The following GREB1 variants were observed in gnomAD, a reference collection of about 807,000 sequenced individuals.
GREB1 encodes protein GREB1.
GREB1 carries 106 observed loss-of-function variants against 200.7 expected under a neutral mutation model. That is an observed-to-expected ratio of 0.53 (90% CI 0.45 to 0.62). The LOEUF (loss-of-function observed/expected upper bound fraction) is 0.62, where lower values mean the gene tolerates loss of function less well. Ranked by LOEUF, GREB1 falls within the 20% of genes least tolerant of loss-of-function variation. GREB1 has a pLI of 0.00. For synonymous variants in GREB1, 1,132 were observed against 1,092.4 expected, an observed-to-expected ratio of 1.04 and a Z score of -0.72; for missense variants, 2,243 against 2,556.8, an observed-to-expected ratio of 0.88 and a Z score of 2.65.
In GREB1 at chr2:11,640,113, A is replaced by C. The variant is rs1003322091; in HGVS notation, c.5687-178A>C. ...CGCACACCTGCCACATCCCAGCCAC[A>C]CTCCTGTCTCGCTAAGATTGTACAT... On this transcript the variant is annotated intron_variant, in intron 32 of 32. Transcript: ENST00000381486. The surrounding 1 kb of genome is among the most constrained non-coding windows in gnomAD (Gnocchi z 4.6). Among the ~76,000 whole-genome samples, 1 of 151,762 alleles carries C rather than the reference A, an allele frequency of 6.6e-6. No homozygotes were observed. The highest frequency in any genetic ancestry group is 2.4e-5 in the African/African-American group (1 of 41,290).
At chr2:11,562,612 G>A in intron 3 of GREB1, 30 bp downstream of exon 3, 1 of 1,553,714 alleles carries the variant, frequency 6.4e-7, no homozygotes, top group Non-Finnish European at 8.7e-7. Context: ...TGGCCAGGCA[G>A]TGCCTGCCAT....
chr2:11,593,836 G>A (rs562864300), intron 11 of GREB1, among the ~76,000 whole-genome samples: 54 of 152,220 alleles, frequency 3.5e-4, no homozygotes, highest in Non-Finnish European at 4.7e-4. Context: ...GAGGCTGGGG[G>A]CCCACAGGGA....
intron 1 of GREB1, among the ~76,000 whole-genome samples, chr2:11,555,670 C>G (rs1233318657): frequency 6.6e-6 from 1 of 152,130 alleles, no homozygotes; most frequent in African/African-American, 2.4e-5. Flanking sequence ...ACAAAGTATC[C>G]AGAATGAGCA....
chr2:11,552,745 C>T (rs542408250), intron 1 of GREB1, among the ~76,000 whole-genome samples: 5 of 152,138 alleles, frequency 3.3e-5, no homozygotes, highest in South Asian at 2.1e-4. Context: ...GGCGCGGTGG[C>T]TCACGCCTGT....
chr2:11,503,440 CATTGTTTCCTTTTTTATAAT>C, intron 1 of GREB1, among the ~76,000 whole-genome samples: 1 of 152,124 alleles, frequency 6.6e-6, no homozygotes, highest in Admixed American at 6.6e-5. Context: ...TAGACATTTT[CATTGTTTCCTTTTTTATAAT>C]ATTATGACAA....
At chr2:11,602,301 T>C in intron 16 of GREB1, 105 bp from the exon 17 acceptor site, 1 of 941,920 alleles carries the variant, frequency 1.1e-6, no homozygotes, top group South Asian at 1.4e-5. Flanking sequence ...TGGGCACGAT[T>C]TGGATGAAGT....
intron 29 of GREB1, 122 bp from the exon 30 acceptor site, chr2:11,635,148 A>G: frequency 8.5e-7 from 1 of 1,174,952 alleles, no homozygotes; most frequent in East Asian, 2.4e-5. Context: ...TGAGGCAAGA[A>G]TGAAGCCCAC....
intron 19 of GREB1, 55 bp from the exon 20 acceptor site, chr2:11,615,036 C>G: frequency 7.4e-7 from 1 of 1,343,474 alleles, no homozygotes; most frequent in Non-Finnish European, 1.1e-6. Flanking sequence ...GCAGTGGGAA[C>G]AGCACTCCAC....
intron 10 of GREB1, chr2:11,591,257 G>A (rs376394231): frequency 2.3e-4 from 141 of 618,654 alleles, no homozygotes; most frequent in Admixed American, 4.8e-4. Context: ...TTCTGGCACG[G>A]CCCACAGAGC....
chr2:11,583,879 C>G (rs181806540), intron 7 of GREB1, among the ~76,000 whole-genome samples: 4 of 152,126 alleles, frequency 2.6e-5, no homozygotes, highest in African/African-American at 7.2e-5. Flanking sequence ...AATCACCAGG[C>G]TGGCTTACAA....
intron 25 of GREB1, among the ~76,000 whole-genome samples, chr2:11,628,778 A>C (rs1684653507): frequency 6.6e-6 from 1 of 152,140 alleles, no homozygotes; most frequent in Non-Finnish European, 1.5e-5. Context: ...CTGCATCAAC[A>C]GACACCAGAG....
chr2:11,618,676 C>A lies in GREB1; in HGVS notation c.3801C>A (p.Asp1267Glu), dbSNP rs759726838. 1.1e-5 allele frequency: 17 copies of A among 1,613,800 alleles called. No individual in the cohort carries two copies. In the South Asian group the frequency reaches 1.8e-4, roughly 17 times the overall value. ...PIVFLPKLVY[D>E]MVVSTDSSGL... ...TCTTCTTGCCCAAGCTCGTGTACGA[C>A]ATGGTTGTGTCCACTGACAGCAGTG... is the stretch of plus-strand genomic sequence containing the variant. Residue 1267 changes from aspartate (D) to glutamate (E), a missense_variant, in exon 22 of 33, where the codon GAC (aspartate) becomes GAA (glutamate). Around this residue, in one of 3 missense-constraint regions of GREB1, gnomAD observed 587 missense variants for 553.1 expected, o/e 1.06. Transcript: ENST00000381486.
intron 15 of GREB1, among the ~76,000 whole-genome samples, chr2:11,600,579 C>G (rs138070292): frequency 6.6e-6 from 1 of 152,152 alleles, no homozygotes; most frequent in Non-Finnish European, 1.5e-5. Flanking sequence ...TACCGTCCCA[C>G]GCCAGACACA....
intron 1 of GREB1, among the ~76,000 whole-genome samples, chr2:11,511,367 C>T (rs1572569142): frequency 1.3e-5 from 2 of 152,088 alleles, no homozygotes; most frequent in Admixed American, 6.5e-5. Context: ...ACTAGGAAGA[C>T]AATTTTTGGC....
rs576636781 is a variant in GREB1, at chr2:11,495,373, TG to T, written c.-159+12993del. 2.6e-3 allele frequency among the ~76,000 whole-genome samples: 395 copies of T among 152,314 alleles called. 4 individuals are homozygous for T. Among genetic ancestry groups the T allele is most frequent in the African/African-American group, 9.1e-3 (378 of 41,574 alleles). On this transcript the variant is annotated intron_variant, in intron 1 of 2. Transcript: ENST00000628795. Reference sequence around the variant, plus strand: ...TGGGACTATATGAACCTGCCATTTTTGTAGGTGAAAATTGCAGCATATTGGC... The same window carrying T: ...TGGGACTATATGAACCTGCCATTTTTTAGGTGAAAATTGCAGCATATTGGC...
intron 9 of GREB1, chr2:11,588,332 T>C: frequency 8.9e-7 from 1 of 1,125,222 alleles, no homozygotes; most frequent in Middle Eastern, 4.1e-4. Context: ...GAATCCTCCC[T>C]GCTTGGAGTC....
intron 1 of GREB1, among the ~76,000 whole-genome samples, chr2:11,496,122 T>C (rs192218965): frequency 6.6e-6 from 1 of 152,268 alleles, no homozygotes; most frequent in East Asian, 1.9e-4. Flanking sequence ...GGGACTGTCC[T>C]TGAGTCTAGC....
upstream of GREB1, among the ~76,000 whole-genome samples, chr2:11,530,908 G>A (rs2148490087): frequency 6.6e-6 from 1 of 152,302 alleles, no homozygotes; most frequent in East Asian, 1.9e-4. Flanking sequence ...GGCTGGCCAG[G>A]AAGGGTGGGG....
chr2:11,620,428 G>A (rs1683906749), intron 22 of GREB1, among the ~76,000 whole-genome samples: 1 of 152,194 alleles, frequency 6.6e-6, no homozygotes, highest in Non-Finnish European at 1.5e-5. Flanking sequence ...GTTATAGGAA[G>A]CAGGAGAAGG....
Sources: gnomAD v4.1 joint callset for allele counts (sites outside exome capture counted in the v4.1 genomes callset) on GRCh38, gnomAD v4.1.1 for gene constraint, gnomAD v4.1.1 regional missense constraint, Gnocchi (gnomAD v3.1) non-coding constraint, MANE v1.5 for transcripts, NCBI Gene and HGNC (gene_info 2026-07-23, HGNC 2026-07-21) for gene names.